The following ELAVL4 variants were observed in gnomAD, a reference collection of about 807,000 sequenced individuals.
ELAVL4 encodes the protein ELAV like RNA binding protein 4, also known as ELAV-like protein 4.
Under a neutral mutation model 35.6 loss-of-function variants are expected in ELAVL4, and 1 was observed. That is an observed-to-expected ratio of 0.03 (90% CI 0.01 to 0.13). The LOEUF (loss-of-function observed/expected upper bound fraction) is 0.13, where lower values mean the gene tolerates loss of function less well. Among genes scored for constraint, ELAVL4 ranks in the 10% least tolerant of loss-of-function variants. The pLI, the probability that ELAVL4 is intolerant of heterozygous loss-of-function variation, is 1.00. For synonymous variants in ELAVL4, 156 were observed against 171.0 expected, an observed-to-expected ratio of 0.91 and a Z score of 0.69; for missense variants, 267 against 464.9, an observed-to-expected ratio of 0.57 and a Z score of 3.91.
intron 3 of ELAVL4, among the ~76,000 whole-genome samples, chr1:50,192,570 C>T (rs780639955): frequency 6.6e-6 from 1 of 151,754 alleles, no homozygotes; most frequent in Non-Finnish European, 1.5e-5. Context: ...CACACTCTCA[C>T]CCCTACAGTC....
chr1:50,200,965 G>A lies in ELAVL4; in HGVS notation c.888G>A (p.Glu296=), dbSNP rs770529628. Residue 296 remains glutamate, a synonymous_variant, in exon 7 of 7, where the codon GAG becomes GAA. Transcript: ENST00000371824. ...FVYNLSPDSD[E]SVLWQLFGPF... ...ACAACCTGTCCCCCGATTCCGATGA[G>A]AGTGTCCTCTGGCAGCTCTTTGGCC... The A allele has an allele frequency of 6.2e-7, 1 of 1,614,104 alleles. No individual in the cohort carries two copies. The highest frequency in any genetic ancestry group is 1.1e-5 in the South Asian group (1 of 91,076).
At chr1:50,182,645 T>A (rs2148848286) in intron 3 of ELAVL4, among the ~76,000 whole-genome samples, 1 of 152,320 alleles carries the variant, frequency 6.6e-6, no homozygotes, top group Admixed American at 6.5e-5. Context: ...CCACATAGAA[T>A]GTTTGACAGA....
intron 1 of ELAVL4, among the ~76,000 whole-genome samples, chr1:50,072,131 G>A (rs996375552): frequency 6.6e-6 from 1 of 152,134 alleles, no homozygotes; most frequent in African/African-American, 2.4e-5. Flanking sequence ...AAGCATGGGA[G>A]GGCCCATGAG....
At chr1:50,092,309 G>A (rs1249714072) in intron 1 of ELAVL4, among the ~76,000 whole-genome samples, 1 of 152,174 alleles carries the variant, frequency 6.6e-6, no homozygotes, top group Non-Finnish European at 1.5e-5. Context: ...ATAGGTGTAT[G>A]ACCATCAGAC....
intron 1 of ELAVL4, among the ~76,000 whole-genome samples, chr1:50,126,758 C>T (rs2148617733): frequency 6.6e-6 from 1 of 152,206 alleles, no homozygotes; most frequent in Admixed American, 6.5e-5. Context: ...CCTTTGTTTT[C>T]ATTAGCAATG....
chr1:50,097,967 C>G (rs12566358), intron 1 of ELAVL4, among the ~76,000 whole-genome samples: 47,905 of 151,994 alleles, frequency 0.32, 8,305 homozygotes, highest in East Asian at 0.74. Context: ...TTTTACATTA[C>G]TTGAGTTGTG....
At chr1:50,090,157 G>A (rs548356727) in intron 1 of ELAVL4, among the ~76,000 whole-genome samples, 1 of 152,148 alleles carries the variant, frequency 6.6e-6, no homozygotes, top group East Asian at 1.9e-4. Context: ...CAGAGGTTAT[G>A]TATGACAACT....
intron 2 of ELAVL4, among the ~76,000 whole-genome samples, chr1:50,174,964 AT>A (rs768288337): frequency 4.4e-4 from 67 of 152,140 alleles, no homozygotes; most frequent in Non-Finnish European, 7.4e-4. Flanking sequence ...TTTTGTTTAT[AT>A]TTTTCATAAT....
intron 1 of ELAVL4, among the ~76,000 whole-genome samples, chr1:50,050,022 AT>A (rs1430256918): frequency 6.6e-6 from 1 of 152,126 alleles, no homozygotes; most frequent in African/African-American, 2.4e-5. Context: ...TGTAAGTGCA[AT>A]ATAGTTTAGC....
intron 1 of ELAVL4, among the ~76,000 whole-genome samples, chr1:50,133,123 T>G (rs577601203): frequency 6.6e-6 from 1 of 152,276 alleles, no homozygotes; most frequent in East Asian, 1.9e-4. Flanking sequence ...GCTGTTTCCG[T>G]TTTTCTCACT....
chr1:50,156,010 T>G (rs1675663689), intron 2 of ELAVL4, among the ~76,000 whole-genome samples: 1 of 150,632 alleles, frequency 6.6e-6, no homozygotes, highest in Non-Finnish European at 1.5e-5. Context: ...TTTTCTGGCA[T>G]GCATGTGCGT....
intron 1 of ELAVL4, among the ~76,000 whole-genome samples, chr1:50,084,080 C>T (rs1665128695): frequency 6.6e-6 from 1 of 152,080 alleles, no homozygotes. Context: ...TTTTCTTTAG[C>T]CATCAGGACA....
intron 1 of ELAVL4, among the ~76,000 whole-genome samples, chr1:50,093,899 G>C (rs12410930): frequency 6.6e-6 from 1 of 152,176 alleles, no homozygotes; most frequent in Admixed American, 6.5e-5. Context: ...AGTAAATGAT[G>C]TATGTTATTT....
chr1:50,054,084 A>AT (rs1309368601), intron 1 of ELAVL4, among the ~76,000 whole-genome samples: 1 of 152,228 alleles, frequency 6.6e-6, no homozygotes, highest in Non-Finnish European at 1.5e-5. Flanking sequence ...GCAAGGAGGA[A>AT]AACTATTGTA....
chr1:50,072,359 A>G (rs182639734), intron 1 of ELAVL4, among the ~76,000 whole-genome samples: 2 of 152,300 alleles, frequency 1.3e-5, no homozygotes, highest in Admixed American at 1.3e-4. Flanking sequence ...TGGGTAATTC[A>G]TGGATGCCTT....
intron 4 of ELAVL4, 133 bp from the exon 5 acceptor site, chr1:50,195,428 G>A (rs1643987819): frequency 2.2e-6 from 2 of 907,116 alleles, no homozygotes; most frequent in Non-Finnish European, 3.5e-6. Context: ...AGAGAGATCA[G>A]GGAGCTGGGC....
At chr1:50,133,635 G>GAA in intron 1 of ELAVL4, among the ~76,000 whole-genome samples, 3 of 148,992 alleles carry the variant, frequency 2.0e-5, no homozygotes, top group African/African-American at 7.4e-5. Flanking sequence ...AAGAAAGAAA[G>GAA]AAAGAAAGAA....
upstream of ELAVL4, among the ~76,000 whole-genome samples, chr1:50,104,173 C>G (rs188427080): frequency 1.6e-4 from 25 of 152,242 alleles, no homozygotes; most frequent in East Asian, 3.5e-3. Flanking sequence ...CTCTCTCCCC[C>G]CAGTCCCCAG....
chr1:50,106,709 C>T (rs992350781), upstream of ELAVL4, among the ~76,000 whole-genome samples: 8 of 152,042 alleles, frequency 5.3e-5, no homozygotes, highest in Admixed American at 5.2e-4. Context: ...AGAGAAAAGG[C>T]CTCTGAGGAC....
Sources: gnomAD v4.1 joint callset for allele counts (sites outside exome capture counted in the v4.1 genomes callset) on GRCh38, gnomAD v4.1.1 for gene constraint, MANE v1.5 for transcripts, NCBI Gene and HGNC (gene_info 2026-07-23, HGNC 2026-07-21) for gene names.